Variants in LONP2 observed in about 807,000 individuals in gnomAD.
LONP2 encodes the protein lon protease homolog 2, peroxisomal.
In LONP2, 60 loss-of-function variants were observed where a neutral mutation model predicts 85.6. The ratio of observed to expected loss-of-function variants is 0.70; its 90% CI spans 0.57 to 0.87. LONP2 has a LOEUF of 0.87. Among genes scored for constraint, LONP2 ranks in the 40% least tolerant of loss-of-function variants. LONP2 has a pLI of 0.00. For synonymous variants in LONP2, 395 were observed against 389.7 expected (o/e 1.01, Z -0.16); for missense variants, 860 against 1,063.5 (o/e 0.81, Z 2.66).
intron 12 of LONP2, chr16:48,345,494 G>C (rs1386312498): frequency 6.6e-6 from 1 of 152,112 alleles, no homozygotes; most frequent in Non-Finnish European, 1.5e-5. Flanking sequence ...TTTTATATTA[G>C]AAAAAACAAA....
At chr16:48,260,642 T>C (rs991747248) in intron 4 of LONP2, among the ~76,000 whole-genome samples, 16 of 152,224 alleles carry the variant, frequency 1.1e-4, no homozygotes, top group Admixed American at 5.9e-4. Context: ...AATGCTAGTA[T>C]ATAATTTTGC....
At chr16:48,298,855 A>C (rs1972736047) in intron 9 of LONP2, among the ~76,000 whole-genome samples, 1 of 152,002 alleles carries the variant, frequency 6.6e-6, no homozygotes, top group Admixed American at 6.6e-5. Flanking sequence ...TGTTTGTGAA[A>C]ACGTTGGAAA....
At chr16:48,295,278 A>C (rs1017817530) in intron 8 of LONP2, among the ~76,000 whole-genome samples, 3 of 152,152 alleles carry the variant, frequency 2.0e-5, no homozygotes, top group Non-Finnish European at 4.4e-5. Flanking sequence ...AGGCTGAGGC[A>C]GGAGAATCGC....
chr16:48,313,447 A>G (rs529129657), intron 11 of LONP2, among the ~76,000 whole-genome samples: 26 of 152,198 alleles, frequency 1.7e-4, no homozygotes, highest in Admixed American at 7.2e-4. Context: ...CCCAGCATCC[A>G]TTAGCTATTC....
intron 7 of LONP2, among the ~76,000 whole-genome samples, chr16:48,275,199 CTTATA>C (rs1204582071): frequency 6.6e-6 from 1 of 152,132 alleles, no homozygotes; most frequent in African/African-American, 2.4e-5. Context: ...TCTCATGATC[CTTATA>C]TTAATATAAC....
chr16:48,307,282 T>A lies in LONP2; in HGVS notation c.1795+3977T>A, dbSNP rs192522865. On this transcript the variant is annotated intron_variant, in intron 11 of 14. Coordinates refer to ENST00000285737, the MANE Select transcript of LONP2 (RefSeq NM_031490.5). The stretch of plus-strand genomic sequence containing the variant: ...CTGTTTTTCTGCATGTTGTTAGTAT[T>A]TTCTGAATTGCCGTTTTCCTTTCTA... Among the ~76,000 whole-genome samples the A allele has an allele frequency of 7.2e-5, 11 of 152,356 alleles. No homozygotes were observed. The East Asian group carries it at 1.3e-3, about 19-fold the overall frequency.
At chr16:48,309,525 T>G (rs1043769439) in intron 11 of LONP2, among the ~76,000 whole-genome samples, 1 of 152,198 alleles carries the variant, frequency 6.6e-6, no homozygotes, top group Non-Finnish European at 1.5e-5. Flanking sequence ...ACATAGAGTG[T>G]GGAATAATAG....
intron 11 of LONP2, among the ~76,000 whole-genome samples, chr16:48,323,344 A>G (rs190567270): frequency 1.3e-5 from 2 of 152,276 alleles, no homozygotes; most frequent in African/African-American, 4.8e-5. Context: ...TTTTTTCATA[A>G]TAGATAATTG....
intron 1 of LONP2, among the ~76,000 whole-genome samples, chr16:48,247,816 G>A (rs1971494376): frequency 6.6e-6 from 1 of 152,098 alleles, no homozygotes; most frequent in Admixed American, 6.6e-5. Flanking sequence ...TCCTCATAGT[G>A]CCGACTTCTC....
intron 10 of LONP2, among the ~76,000 whole-genome samples, chr16:48,301,086 A>G (rs1463476904): frequency 6.6e-6 from 1 of 152,234 alleles, no homozygotes; most frequent in African/African-American, 2.4e-5. Context: ...TTGTTTTTAA[A>G]AACAGCACAA....
At chr16:48,342,185 G>A (rs992572878) in intron 12 of LONP2, among the ~76,000 whole-genome samples, 2 of 152,044 alleles carry the variant, frequency 1.3e-5, no homozygotes, top group African/African-American at 4.8e-5. Flanking sequence ...CTCAGTGTTG[G>A]CTTCTGACCA....
At chr16:48,323,260 TG>T (rs1973303344) in intron 11 of LONP2, among the ~76,000 whole-genome samples, 1 of 152,244 alleles carries the variant, frequency 6.6e-6, no homozygotes, top group South Asian at 2.1e-4. Context: ...AAAGGTCATT[TG>T]CTTACATCTC....
chr16:48,244,651 GGGC>G, intron 1 of LONP2, 30 bp downstream of exon 1: 1 of 1,319,900 alleles, frequency 7.6e-7, no homozygotes, highest in Non-Finnish European at 9.7e-7. Context: ...CGGCGGCGGC[GGGC>G]GGCGCGGCCT....
At chr16:48,267,831 G>T (rs1279142712) in intron 6 of LONP2, among the ~76,000 whole-genome samples, 1 of 152,134 alleles carries the variant, frequency 6.6e-6, no homozygotes, top group African/African-American at 2.4e-5. Flanking sequence ...GGCCAGGCTG[G>T]TCTCGAACTC....
intron 11 of LONP2, among the ~76,000 whole-genome samples, chr16:48,318,082 TAAA>T (rs551455489): frequency 6.9e-6 from 1 of 145,554 alleles, no homozygotes; most frequent in Non-Finnish European, 1.5e-5. Context: ...GAAGAATAGT[TAAA>T]AAAAAAAAAT....
At chr16:48,292,112 C>T (rs749893788) in intron 8 of LONP2, among the ~76,000 whole-genome samples, 4 of 152,172 alleles carry the variant, frequency 2.6e-5, no homozygotes, top group Non-Finnish European at 4.4e-5. Flanking sequence ...TAGTCACTGA[C>T]GCATTCATCT....
At chr16:48,341,387 G>A (rs144785693) in intron 12 of LONP2, among the ~76,000 whole-genome samples, 3 of 152,336 alleles carry the variant, frequency 2.0e-5, no homozygotes, top group African/African-American at 7.2e-5. Flanking sequence ...GGCAGAAAGT[G>A]AAGGGGGAGC....
chr16:48,328,444 C>A (rs964684924), intron 11 of LONP2, among the ~76,000 whole-genome samples: 14 of 151,706 alleles, frequency 9.2e-5, no homozygotes, highest in Non-Finnish European at 1.6e-4. Flanking sequence ...CTTTGAGAGG[C>A]CGTGGCGGGT....
chr16:48,342,785 C>T (rs529638706), intron 12 of LONP2, among the ~76,000 whole-genome samples: 1 of 152,304 alleles, frequency 6.6e-6, no homozygotes, highest in Non-Finnish European at 1.5e-5. Flanking sequence ...CCAGATGGAT[C>T]GCTTCTGTGG....
Sources: allele counts gnomAD v4.1 joint callset (sites outside exome capture counted in the v4.1 genomes callset), GRCh38; gene constraint gnomAD v4.1.1; transcripts MANE v1.5; gene names NCBI Gene and HGNC (gene_info 2026-07-23, HGNC 2026-07-21).